The following SUPT3H variants were observed in gnomAD, a reference collection of about 807,000 sequenced individuals.
SUPT3H encodes the protein transcription initiation protein SPT3 homolog.
Under a neutral mutation model 44.3 loss-of-function variants are expected in SUPT3H, and 44 were observed. The ratio of observed to expected loss-of-function variants is 0.99; its 90% CI spans 0.78 to 1.28. The LOEUF is 1.28. Among genes scored for constraint, SUPT3H ranks in the 50% most tolerant of loss-of-function variants. SUPT3H has a pLI of 0.00. For synonymous variants in SUPT3H, 124 were observed against 125.6 expected (o/e 0.99, Z 0.09); for missense variants, 380 against 387.1 (o/e 0.98, Z 0.15).
Position 44,953,410 on chromosome 6 carries a change from T to A in SUPT3H, c.701A>T (p.Asp234Val). Residue 234 changes from aspartate to valine, a missense_variant, in exon 9 of 11, where the codon GAT becomes GTT. Physicochemically the swap from Asp to Val is radical, Grantham distance 152. Transcript: ENST00000371459. ...LAYETVAQLV[D>V]LALLVRQDMV... ...GTCTTGCCTCACAAGAAGAGCCAGA[T>A]CCACTAACTAGAAGACCAGAAGAAT... is the stretch of plus-strand genomic sequence containing the variant. The A allele has an allele frequency of 6.2e-7, 1 of 1,613,704 alleles. No homozygotes were observed. The highest frequency in any genetic ancestry group is 8.5e-7 in the Non-Finnish European group (1 of 1,179,700).
Position 45,294,733 on chromosome 6 carries a change from C to CAA in SUPT3H, c.101+70466_101+70467dup, listed in dbSNP as rs56281990. Reference sequence around the variant, plus strand: ...GAATCAACCCCTTTTACAATAGCTGCAAAAAAAAAAAAAAAAAAAAAAAAA... The same window carrying CAA: ...GAATCAACCCCTTTTACAATAGCTGCAAAAAAAAAAAAAAAAAAAAAAAAAAA... On this transcript the variant is annotated intron_variant, in intron 2 of 10. Transcript: ENST00000371459. 8.3e-4 allele frequency among the ~76,000 whole-genome samples: 30 copies of CAA among 36,194 alleles called. 3 individuals are homozygous for CAA. Among genetic ancestry groups the CAA allele is most frequent in the Admixed American group, 1.1e-3 (2 of 1,888 alleles). The allele number at this position is 36,194 out of a possible 152,430, so 23.7% of individuals were successfully genotyped here.
intron 9 of SUPT3H, among the ~76,000 whole-genome samples, chr6:44,937,898 A>ATTTT (rs1771731639): frequency 1.2e-5 from 1 of 80,620 alleles, no homozygotes; most frequent in African/African-American, 5.3e-5. Context: ...TTTGCTCACT[A>ATTTT]TCTTTTTTTT....
intron 2 of SUPT3H, among the ~76,000 whole-genome samples, chr6:45,220,089 C>A (rs1765782445): frequency 1.6e-5 from 2 of 127,868 alleles, no homozygotes; most frequent in African/African-American, 2.8e-5. Context: ...TTTTCACAAT[C>A]TATTAAAAAA....
intron 9 of SUPT3H, among the ~76,000 whole-genome samples, chr6:44,944,068 T>G (rs1772892165): frequency 6.6e-6 from 1 of 152,064 alleles, no homozygotes; most frequent in Admixed American, 6.6e-5. Context: ...ACTAGATTAT[T>G]TAAGACAAAA....
intron 10 of SUPT3H, among the ~76,000 whole-genome samples, chr6:44,928,884 A>G (rs1162005325): frequency 2.0e-5 from 2 of 98,606 alleles, no homozygotes; most frequent in African/African-American, 3.8e-5. Context: ...CTCCGTCTCA[A>G]AAAAAAAAAA....
chr6:45,330,245 T>C (rs893771378), intron 2 of SUPT3H, among the ~76,000 whole-genome samples: 1 of 151,920 alleles, frequency 6.6e-6, no homozygotes, highest in Admixed American at 6.6e-5. Flanking sequence ...CAAGTATTAC[T>C]CTAAAAACTT....
chr6:45,019,692 G>A (rs906130658), intron 4 of SUPT3H, among the ~76,000 whole-genome samples: 9 of 151,780 alleles, frequency 5.9e-5, no homozygotes, highest in Admixed American at 1.3e-4. Flanking sequence ...TGCATCTGGC[G>A]CCTTGTACCT....
chr6:44,998,047 A>G (rs1781506770), intron 6 of SUPT3H, among the ~76,000 whole-genome samples: 1 of 151,894 alleles, frequency 6.6e-6, no homozygotes, highest in South Asian at 2.1e-4. Flanking sequence ...TAATACTTTA[A>G]GATTTATGCA....
intron 3 of SUPT3H, among the ~76,000 whole-genome samples, chr6:45,105,068 A>T (rs1799085687): frequency 6.6e-6 from 1 of 152,000 alleles, no homozygotes; most frequent in Non-Finnish European, 1.5e-5. Flanking sequence ...CATATACTAA[A>T]CCCTTAGTAT....
chr6:44,831,111 C>T (rs1385828752), intron 10 of SUPT3H, among the ~76,000 whole-genome samples: 1 of 152,086 alleles, frequency 6.6e-6, no homozygotes, highest in East Asian at 1.9e-4. Flanking sequence ...AACTTGAAAA[C>T]CTTCTCTCCA....
At chr6:45,226,906 G>C (rs12209175) in intron 2 of SUPT3H, among the ~76,000 whole-genome samples, 35,522 of 151,916 alleles carry the variant, frequency 0.23, 4,736 homozygotes, top group Non-Finnish European at 0.31. Context: ...AGGCTGAGGT[G>C]GGGGAATGGC....
chr6:44,835,173 A>G (rs1769596067), intron 10 of SUPT3H, among the ~76,000 whole-genome samples: 1 of 152,112 alleles, frequency 6.6e-6, no homozygotes, highest in Non-Finnish European at 1.5e-5. Flanking sequence ...AAGTCTTACT[A>G]TGGCTATGCT....
chr6:45,248,152 T>G (rs974196049), intron 2 of SUPT3H, among the ~76,000 whole-genome samples: 2 of 151,906 alleles, frequency 1.3e-5, no homozygotes, highest in Non-Finnish European at 2.9e-5. Context: ...GAGAAAAAAC[T>G]GAAGAAAATC....
chr6:44,956,689 T>G (rs1350126593), intron 7 of SUPT3H, among the ~76,000 whole-genome samples: 1 of 152,074 alleles, frequency 6.6e-6, no homozygotes, highest in Non-Finnish European at 1.5e-5. Context: ...ATTTCCCTAT[T>G]AAACCATCAC....
chr6:45,282,798 T>C (rs1053853922), intron 2 of SUPT3H, among the ~76,000 whole-genome samples: 10 of 152,024 alleles, frequency 6.6e-5, no homozygotes, highest in East Asian at 1.9e-4. Flanking sequence ...TTCACCAAAG[T>C]TGAAATAAAG....
intron 2 of SUPT3H, among the ~76,000 whole-genome samples, chr6:45,264,493 C>T (rs1774932718): frequency 6.6e-6 from 1 of 152,068 alleles, no homozygotes; most frequent in African/African-American, 2.4e-5. Flanking sequence ...AACAATGTCT[C>T]TACTTAGAGT....
At chr6:45,371,376 T>C (rs1258095848) in intron 1 of SUPT3H, among the ~76,000 whole-genome samples, 4 of 151,354 alleles carry the variant, frequency 2.6e-5, no homozygotes, top group Middle Eastern at 3.2e-3. Context: ...TAAAGGGTAC[T>C]TCACCAGTAT....
intron 2 of SUPT3H, among the ~76,000 whole-genome samples, chr6:45,141,180 A>C (rs1805114480): frequency 6.6e-6 from 1 of 151,758 alleles, no homozygotes; most frequent in African/African-American, 2.4e-5. Context: ...TCTCTACTAA[A>C]ATTATAAAAA....
intron 11 of SUPT3H, among the ~76,000 whole-genome samples, chr6:44,811,456 A>G (rs1183223958): frequency 2.6e-5 from 4 of 152,264 alleles, no homozygotes; most frequent in African/African-American, 7.2e-5. Context: ...AAGGTTGGAT[A>G]GACTGCAGTC....
Sources: allele counts gnomAD v4.1 joint callset (sites outside exome capture counted in the v4.1 genomes callset), GRCh38; gene constraint gnomAD v4.1.1; transcripts MANE v1.5; gene names NCBI Gene and HGNC (gene_info 2026-07-23, HGNC 2026-07-21).